GFRA1: variants seen among roughly 807,000 people sequenced by gnomAD.
GFRA1 encodes GDNF family receptor alpha-1.
In GFRA1, 16 loss-of-function variants were observed where a neutral mutation model predicts 51.6. That is an observed-to-expected ratio of 0.31 (90% CI 0.21 to 0.47). The LOEUF is 0.47. Ranked by LOEUF, GFRA1 falls within the 20% of genes least tolerant of loss-of-function variation. The pLI is 1.00. For missense variants in GFRA1, 530 were observed against 594.3 expected (o/e 0.89, Z 1.13); for synonymous variants, 270 against 241.3 (o/e 1.12, Z -1.10).
intron 4 of GFRA1, among the ~76,000 whole-genome samples, chr10:116,248,765 G>C (rs758964724): frequency 1.3e-5 from 2 of 152,194 alleles, no homozygotes; most frequent in Non-Finnish European, 2.9e-5. Flanking sequence ...TGTTTGAAAA[G>C]CAGCGAATTA....
intron 4 of GFRA1, among the ~76,000 whole-genome samples, chr10:116,224,702 C>T (rs1241107977): frequency 3.3e-5 from 5 of 152,106 alleles, no homozygotes; most frequent in Admixed American, 3.3e-4. Context: ...GAGGGGGTGA[C>T]AGCTAAGGAT....
chr10:116,092,038 C>T (rs1180058068), intron 8 of GFRA1, among the ~76,000 whole-genome samples: 2 of 149,240 alleles, frequency 1.3e-5, no homozygotes, highest in Non-Finnish European at 3.0e-5. Flanking sequence ...GCTTTATCTT[C>T]GTTAAAACTT....
chr10:116,126,608 T>C (rs1369136920), intron 5 of GFRA1, among the ~76,000 whole-genome samples: 4 of 152,188 alleles, frequency 2.6e-5, no homozygotes, highest in Non-Finnish European at 5.9e-5. Flanking sequence ...CATGGAGTAG[T>C]GATGATGAGG....
At chr10:116,117,492 G>A (rs1052144156) in intron 6 of GFRA1, among the ~76,000 whole-genome samples, 10 of 143,446 alleles carry the variant, frequency 7.0e-5, no homozygotes, top group African/African-American at 2.3e-4. Context: ...GAAATATCAG[G>A]TTGTTATTCC....
At chr10:116,200,695 A>G (rs1205816398) in intron 5 of GFRA1, among the ~76,000 whole-genome samples, 2 of 152,214 alleles carry the variant, frequency 1.3e-5, no homozygotes, top group Non-Finnish European at 2.9e-5. Flanking sequence ...CATGGCAAAG[A>G]GCAGAAAGCT....
intron 5 of GFRA1, among the ~76,000 whole-genome samples, chr10:116,203,364 G>A (rs1313108242): frequency 6.6e-6 from 1 of 152,180 alleles, no homozygotes; most frequent in Non-Finnish European, 1.5e-5. Context: ...CCCACTCTCT[G>A]ACTTCTGGGC....
At chr10:116,076,092 G>C (rs1026263637) in intron 9 of GFRA1, among the ~76,000 whole-genome samples, 1 of 151,976 alleles carries the variant, frequency 6.6e-6, no homozygotes, top group Non-Finnish European at 1.5e-5. Context: ...AACAAAGGAC[G>C]GTATTGCCTC....
intron 5 of GFRA1, among the ~76,000 whole-genome samples, chr10:116,189,575 T>C (rs941767132): frequency 6.6e-6 from 1 of 152,180 alleles, no homozygotes; most frequent in African/African-American, 2.4e-5. Context: ...TTAATTCTCT[T>C]TAAGTGTCCA....
chr10:116,099,668 G>A (rs1342279896), intron 6 of GFRA1, among the ~76,000 whole-genome samples: 1 of 152,112 alleles, frequency 6.6e-6, no homozygotes, highest in Non-Finnish European at 1.5e-5. Context: ...CTGGATTCCT[G>A]TCCATCCCAC....
rs558257237 is a variant in GFRA1, at chr10:116,113,052, G to A, written c.770+12169C>T. 1.2e-3 allele frequency among the ~76,000 whole-genome samples: 178 copies of A among 152,222 alleles called. 1 individual carries two copies. The highest frequency in any genetic ancestry group is 1.8e-3 in the Non-Finnish European group (123 of 67,998). ...GGCAGTCTCAGGGAACCTCGTAGGG[G>A]GTCAGTGAGACCATAACTATTTTCT... On this transcript the variant is annotated intron_variant, in intron 6 of 10. Transcript: ENST00000355422.
intron 5 of GFRA1, among the ~76,000 whole-genome samples, chr10:116,188,699 T>G (rs969613788): frequency 4.0e-5 from 6 of 151,448 alleles, no homozygotes; most frequent in African/African-American, 1.2e-4. Context: ...AGGTAAGGAG[T>G]TTGAGACCAG....
intron 5 of GFRA1, among the ~76,000 whole-genome samples, chr10:116,153,641 G>A (rs1047609286): frequency 6.6e-6 from 1 of 151,404 alleles, no homozygotes; most frequent in Non-Finnish European, 1.5e-5. Flanking sequence ...TCTAAGAAAT[G>A]AGAAACTATA....
Position 116,132,957 on chromosome 10 carries a change from A to G in GFRA1, c.434-7400T>C, listed in dbSNP as rs548000438. Among the ~76,000 whole-genome samples, 37 of 152,138 alleles carry G rather than the reference A, an allele frequency of 2.4e-4. No homozygotes were observed. In the East Asian group the frequency reaches 5.3e-3, roughly 22 times the overall value. ...GGGAAGGCTTCTGAACAGCTTTACTATAACTCTAACTGCCATCCTCTCCAC... is the reference window on the plus strand; with the variant it reads ...GGGAAGGCTTCTGAACAGCTTTACTGTAACTCTAACTGCCATCCTCTCCAC... On this transcript the variant is annotated intron_variant, in intron 5 of 10. Coordinates refer to ENST00000355422, the MANE Select transcript of GFRA1 (RefSeq NM_005264.8).
chr10:116,070,482 C>T (rs143471370), intron 9 of GFRA1, among the ~76,000 whole-genome samples: 104 of 152,192 alleles, frequency 6.8e-4, no homozygotes, highest in African/African-American at 2.3e-3. Flanking sequence ...TTTTATGTTC[C>T]GTTGTAAGAC....
chr10:116,210,102 C>T (rs765238359), intron 5 of GFRA1, among the ~76,000 whole-genome samples: 5 of 152,120 alleles, frequency 3.3e-5, no homozygotes, highest in Non-Finnish European at 5.9e-5. Flanking sequence ...ACAGGCAAAT[C>T]CCATCAATCG....
At chr10:116,084,971 G>T (rs1450299482) in intron 9 of GFRA1, among the ~76,000 whole-genome samples, 4 of 152,186 alleles carry the variant, frequency 2.6e-5, no homozygotes, top group African/African-American at 9.7e-5. Flanking sequence ...AGCACAGCCT[G>T]TGCCATGCTT....
rs998539399 is a variant in GFRA1, at chr10:116,063,079, T to A, written c.*1319A>T. 1 of 152,184 alleles carries A rather than the reference T, an allele frequency of 6.6e-6. No individual in the cohort carries two copies. Among genetic ancestry groups the A allele is most frequent in the Admixed American group, 6.5e-5 (1 of 15,282 alleles). 9.4% of individuals were successfully genotyped at this position (152,184 alleles called of 1,614,324 possible). Reference sequence around the variant, plus strand: ...TTGCAGTCAGGAGTAAACACAATCCTTAGGAAAAGAACTGTGCATCCCAGC... The same window carrying A: ...TTGCAGTCAGGAGTAAACACAATCCATAGGAAAAGAACTGTGCATCCCAGC... On this transcript the variant is annotated 3_prime_UTR_variant, in exon 11 of 11. Transcript: ENST00000355422.
chr10:116,078,248 T>TTTC (rs1955699987), intron 9 of GFRA1, among the ~76,000 whole-genome samples: 1 of 152,226 alleles, frequency 6.6e-6, no homozygotes, highest in Non-Finnish European at 1.5e-5. Context: ...ATTCAAGCAC[T>TTTC]TTCTTGGCTG....
At chr10:116,240,444 A>G (rs1967263868) in intron 4 of GFRA1, among the ~76,000 whole-genome samples, 1 of 152,216 alleles carries the variant, frequency 6.6e-6, no homozygotes, top group Non-Finnish European at 1.5e-5. Flanking sequence ...AGCTGTAACA[A>G]AATCACATTC....
Sources: allele counts gnomAD v4.1 joint callset (sites outside exome capture counted in the v4.1 genomes callset), GRCh38; gene constraint gnomAD v4.1.1; transcripts MANE v1.5; gene names NCBI Gene and HGNC (gene_info 2026-07-23, HGNC 2026-07-21).